The following BCAS3 variants were observed in gnomAD, a reference collection of about 807,000 sequenced individuals.
BCAS3 encodes the protein BCAS4/BCAS3 fusion.
BCAS3 carries 53 observed loss-of-function variants against 116.1 expected under a neutral mutation model. The observed-to-expected ratio is 0.46, with a 90% CI of 0.37 to 0.57. BCAS3 has a LOEUF of 0.57. Ranked by LOEUF, BCAS3 falls within the 20% of genes least tolerant of loss-of-function variation. The probability of loss-of-function intolerance (pLI) is 0.00; values close to 1 mark genes in which losing one functional copy is unlikely to be tolerated. For synonymous variants in BCAS3, 391 were observed against 408.2 expected, an observed-to-expected ratio of 0.96 and a Z score of 0.51; for missense variants, 917 against 1,165.4, an observed-to-expected ratio of 0.79 and a Z score of 3.10.
chr17:60,751,858 A>G (rs1015283577), intron 6 of BCAS3, among the ~76,000 whole-genome samples: 1 of 152,140 alleles, frequency 6.6e-6, no homozygotes, highest in Non-Finnish European at 1.5e-5. Context: ...TTAATTTCTT[A>G]AAGTAAGGAC....
chr17:61,207,377 G>C (rs549726643), intron 22 of BCAS3, among the ~76,000 whole-genome samples: 1 of 151,932 alleles, frequency 6.6e-6, no homozygotes, highest in Non-Finnish European at 1.5e-5. Context: ...TATAACTTTA[G>C]GATGCAGATA....
intron 19 of BCAS3, among the ~76,000 whole-genome samples, chr17:61,054,942 A>G (rs2069224864): frequency 6.6e-6 from 1 of 152,160 alleles, no homozygotes; most frequent in Admixed American, 6.5e-5. Context: ...AAAAGCATCT[A>G]TTGGTTGTAA....
intron 23 of BCAS3, among the ~76,000 whole-genome samples, chr17:61,382,473 G>A (rs997498490): frequency 1.3e-5 from 2 of 151,410 alleles, no homozygotes; most frequent in Admixed American, 6.6e-5. Context: ...TGTTGGTCAG[G>A]CTGGTCTCGA....
chr17:61,197,692 C>G (rs2080563686), intron 22 of BCAS3, among the ~76,000 whole-genome samples: 1 of 152,164 alleles, frequency 6.6e-6, no homozygotes, highest in Non-Finnish European at 1.5e-5. Flanking sequence ...TATATACACA[C>G]AGAGGACCCT....
intron 21 of BCAS3, 59 bp downstream of exon 21, chr17:61,078,588 T>C (rs2072246841): frequency 7.0e-7 from 1 of 1,419,008 alleles, no homozygotes; most frequent in African/African-American, 1.4e-5. Flanking sequence ...TCGTGTGAAA[T>C]GAGCATCATA....
In BCAS3 at chr17:61,259,239, C is replaced by T. The variant is rs571162471; in HGVS notation, c.2426-109088C>T. 2.3e-4 allele frequency among the ~76,000 whole-genome samples: 35 copies of T among 152,108 alleles called. No homozygotes were observed. Among genetic ancestry groups the T allele is most frequent in the Non-Finnish European group, 4.4e-4 (30 of 68,024 alleles). On this transcript the variant is annotated intron_variant, in intron 22 of 23. Transcript: ENST00000407086. This position sits in a 1 kb window ranked among gnomAD's most constrained non-coding sequence, Gnocchi z 4.7. ...TATTTACATTTTTATTTTGAAAGAGCATGGGGAGTGTAAGCAGAGCTCACA... is the reference window on the plus strand; with the variant it reads ...TATTTACATTTTTATTTTGAAAGAGTATGGGGAGTGTAAGCAGAGCTCACA...
chr17:60,691,406 CCT>C (rs138400928), intron 4 of BCAS3, among the ~76,000 whole-genome samples: 90 of 147,902 alleles, frequency 6.1e-4, no homozygotes, highest in African/African-American at 7.4e-4. Flanking sequence ...TTGTTAGTTT[CCT>C]CTCTCTCTCT....
At chr17:60,933,043 C>A (rs1010716063) in intron 13 of BCAS3, among the ~76,000 whole-genome samples, 4 of 151,982 alleles carry the variant, frequency 2.6e-5, no homozygotes, top group Admixed American at 6.6e-5. Flanking sequence ...GGTGTAGTGG[C>A]ACACGCCTGT....
intron 22 of BCAS3, among the ~76,000 whole-genome samples, chr17:61,117,400 TG>T (rs1357678190): frequency 6.6e-6 from 1 of 152,136 alleles, no homozygotes; most frequent in East Asian, 1.9e-4. Context: ...GGAGACCAGC[TG>T]GGGCAACAAA....
chr17:60,775,441 A>G (rs1041130145), intron 6 of BCAS3, among the ~76,000 whole-genome samples: 5 of 152,086 alleles, frequency 3.3e-5, no homozygotes, highest in African/African-American at 1.2e-4. Context: ...GTGGGCCTCC[A>G]TGTTATCATT....
intron 6 of BCAS3, among the ~76,000 whole-genome samples, chr17:60,807,539 TG>T (rs2048388334): frequency 6.6e-6 from 1 of 152,166 alleles, no homozygotes; most frequent in Non-Finnish European, 1.5e-5. Context: ...CCCAGCACTT[TG>T]GGAGGTTGAG....
intron 7 of BCAS3, among the ~76,000 whole-genome samples, chr17:60,840,446 T>C (rs2051799990): frequency 2.0e-5 from 3 of 152,202 alleles, no homozygotes; most frequent in Non-Finnish European, 4.4e-5. Context: ...TTTCATTCTA[T>C]AGATGCAAAA....
chr17:60,723,719 T>TC (rs1428489230), intron 5 of BCAS3, among the ~76,000 whole-genome samples: 2 of 125,898 alleles, frequency 1.6e-5, no homozygotes, highest in East Asian at 4.3e-4. Context: ...TTCTTTTTTT[T>TC]TTTTTTTTTT....
chr17:60,722,156 G>A (rs1448449129), intron 5 of BCAS3, among the ~76,000 whole-genome samples: 1 of 152,076 alleles, frequency 6.6e-6, no homozygotes, highest in Non-Finnish European at 1.5e-5. Flanking sequence ...AAGTTGCTCT[G>A]AAAATTCTTA....
intron 12 of BCAS3, among the ~76,000 whole-genome samples, chr17:60,914,576 G>A (rs976144297): frequency 6.6e-6 from 1 of 152,124 alleles, no homozygotes; most frequent in Non-Finnish European, 1.5e-5. Flanking sequence ...ATAAAATATG[G>A]TTGACCATTG....
chr17:61,184,520 G>A (rs1021486331), intron 22 of BCAS3, among the ~76,000 whole-genome samples: 1 of 152,016 alleles, frequency 6.6e-6, no homozygotes, highest in Non-Finnish European at 1.5e-5. Flanking sequence ...AATGCAAAAT[G>A]GTATGTCCAC....
Position 60,926,021 on chromosome 17 carries a change from C to T in BCAS3, c.1087+1521C>T, listed in dbSNP as rs573567546. On this transcript the variant is annotated intron_variant, in intron 13 of 23. Transcript: ENST00000407086. Reference sequence around the variant, plus strand: ...TGTGCATGAAACATAGTTTTGACTCCGTTTTAACTGAGACTTTGTACATGA... The same window carrying T: ...TGTGCATGAAACATAGTTTTGACTCTGTTTTAACTGAGACTTTGTACATGA... 2.6e-5 allele frequency among the ~76,000 whole-genome samples: 4 copies of T among 152,150 alleles called. No individual in the cohort carries two copies. In the South Asian group the frequency reaches 6.2e-4, roughly 24 times the overall value.
At chr17:60,969,943 T>C (rs1357208382) in intron 14 of BCAS3, among the ~76,000 whole-genome samples, 1 of 152,088 alleles carries the variant, frequency 6.6e-6, no homozygotes, top group African/African-American at 2.4e-5. Context: ...CAACAATATC[T>C]CTCAAGGATG....
chr17:60,845,988 G>A (rs2052493809), intron 7 of BCAS3, among the ~76,000 whole-genome samples: 2 of 151,596 alleles, frequency 1.3e-5, no homozygotes, highest in Non-Finnish European at 2.9e-5. Flanking sequence ...GAGTGCAGTG[G>A]TGACATCTTG....
Sources: gnomAD v4.1 joint callset for allele counts (sites outside exome capture counted in the v4.1 genomes callset) on GRCh38, gnomAD v4.1.1 for gene constraint, Gnocchi (gnomAD v3.1) non-coding constraint, MANE v1.5 for transcripts, NCBI Gene and HGNC (gene_info 2026-07-23, HGNC 2026-07-21) for gene names.